ERCC3: variants seen among roughly 807,000 people sequenced by gnomAD.
ERCC3 encodes the protein ERCC excision repair 3, TFIIH core complex helicase subunit, also known as general transcription and DNA repair factor IIH helicase/translocase subunit XPB.
Under a neutral mutation model 94.2 loss-of-function variants are expected in ERCC3, and 66 were observed. That is an observed-to-expected ratio of 0.70 (90% CI 0.57 to 0.86). The LOEUF (loss-of-function observed/expected upper bound fraction) is 0.86, where lower values mean the gene tolerates loss of function less well. ERCC3 is among the 40% of genes least tolerant of loss of function. The pLI is 0.00. For synonymous variants in ERCC3, 349 were observed against 369.1 expected (o/e 0.95, Z 0.63); for missense variants, 829 against 987.1 (o/e 0.84, Z 2.15).
Position 127,279,223 on chromosome 2 carries a change from G to A in ERCC3, c.1680C>T (p.Val560=). The A allele has an allele frequency of 1.9e-6, 3 of 1,613,882 alleles. No homozygotes were observed. Among genetic ancestry groups the A allele is most frequent in the Non-Finnish European group, 1.7e-6 (2 of 1,179,732 alleles). Reference sequence around the variant, plus strand: ...TTAGGGCAAACACATTGTCAGCAAAGACAATAATCTTGTCATTCCTCCTTT... The same window carrying A: ...TTAGGGCAAACACATTGTCAGCAAAAACAATAATCTTGTCATTCCTCCTTT... ...FHERRNDKII[V]FADNVFALKE... is the part of the protein sequence containing the mutation. Residue 560 remains valine (V), a synonymous_variant, in exon 10 of 15, where the codon GTC becomes GTT. Coordinates refer to ENST00000285398, the MANE Select transcript of ERCC3 (RefSeq NM_000122.2). This position sits in a 1 kb window ranked among gnomAD's most constrained non-coding sequence, Gnocchi z 4.7.
Position 127,257,461 on chromosome 2 carries a change from G to A in ERCC3, c.*135C>T. 9.3e-7 allele frequency: 1 copy of A among 1,073,992 alleles called. No homozygotes were observed. Among genetic ancestry groups the A allele is most frequent in the Non-Finnish European group, 1.4e-6 (1 of 689,798 alleles). 66.5% of individuals were successfully genotyped at this position (1,073,992 alleles called of 1,614,324 possible). On this transcript the variant is annotated 3_prime_UTR_variant, in exon 15 of 15. Transcript: ENST00000285398. The surrounding 1 kb of genome is among the most constrained non-coding windows in gnomAD (Gnocchi z 5.4). Reference sequence around the variant, plus strand: ...CCTATGAAGGCACAGCCAAGCCCTTGATGCATCTTCCTCAGCACAATTTGG... The same window carrying A: ...CCTATGAAGGCACAGCCAAGCCCTTAATGCATCTTCCTCAGCACAATTTGG...
intron 7 of ERCC3, 28 bp downstream of exon 7, chr2:127,288,632 C>A (rs776511339): frequency 8.8e-6 from 14 of 1,597,052 alleles, no homozygotes; most frequent in Admixed American, 6.7e-5. Context: ...AACAGCCTGA[C>A]CACCTTCTTA....
Position 127,259,201 on chromosome 2 carries a change from G to C in ERCC3, c.2217+95C>G. 7.1e-7 allele frequency: 1 copy of C among 1,417,184 alleles called. No individual in the cohort carries two copies. The highest frequency in any genetic ancestry group is 2.3e-5 in the East Asian group (1 of 43,510). The allele number at this position is 1,417,184 out of a possible 1,614,324, so 87.8% of individuals were successfully genotyped here. A position where few individuals can be genotyped will look rare whatever the true frequency, so the allele number is the denominator to read the frequency against. On this transcript the variant is annotated intron_variant, in intron 14 of 14. Coordinates refer to ENST00000285398, the MANE Select transcript of ERCC3 (RefSeq NM_000122.2). This position sits in a 1 kb window ranked among gnomAD's most constrained non-coding sequence, Gnocchi z 4.9. ...CAACATTTCCAAAAAAATCCCATGG[G>C]CCCATCCAGGCAGGACTACATGTCT...
At position 127,274,002 on chromosome 2, in the gene ERCC3, C is replaced by A. The variant is rs1157880007; in HGVS notation, c.1731-1041G>T. On this transcript the variant is annotated intron_variant, in intron 10 of 14. Transcript: ENST00000285398. This position sits in a 1 kb window ranked among gnomAD's most constrained non-coding sequence, Gnocchi z 4.0. The stretch of plus-strand genomic sequence containing the variant: ...GGACCTACCAACACCAGGCATTGAG[C>A]TGAGTATTACATTAAAAAAAAAAAA... Among the ~76,000 whole-genome samples, 1 of 150,734 alleles carries A rather than the reference C, an allele frequency of 6.6e-6. No individual in the cohort carries two copies. Among genetic ancestry groups the A allele is most frequent in the African/African-American group, 2.4e-5 (1 of 40,944 alleles).
In ERCC3 at chr2:127,288,543, T is replaced by C. The variant is rs922420216; in HGVS notation, c.1027+117A>G. The C allele has an allele frequency of 7.6e-6, 7 of 917,814 alleles. No individual in the cohort carries two copies. The East Asian group carries it at 1.4e-4, about 19-fold the overall frequency. The allele number at this position is 917,814 out of a possible 1,614,324, so 56.9% of individuals were successfully genotyped here. On this transcript the variant is annotated intron_variant, in intron 7 of 14. Coordinates refer to ENST00000285398, the MANE Select transcript of ERCC3 (RefSeq NM_000122.2). ...TCAAGTCATGAATCAGGGAGTCACC[T>C]GATCTTGGCTTTTCAGCAAGGTGTG...
rs183405317 is a variant in ERCC3, at chr2:127,279,386, G to A, written c.1528-11C>T. On this transcript the variant is annotated splice_polypyrimidine_tract_variant and intron_variant, in intron 9 of 14. Coordinates refer to ENST00000285398, the MANE Select transcript of ERCC3 (RefSeq NM_000122.2). The surrounding 1 kb of genome is among the most constrained non-coding windows in gnomAD (Gnocchi z 4.7). ...CATAGGGCACCAGACCTGTAATACA[G>A]TAAGAACCAGGGGTCATTTTACAAG... 520 of 1,593,902 alleles carry A rather than the reference G, an allele frequency of 3.3e-4. No homozygotes were observed. Among genetic ancestry groups the A allele is most frequent in the Non-Finnish European group, 2.1e-4 (248 of 1,161,556 alleles).
In ERCC3 at chr2:127,258,454, G is replaced by A. The variant is rs537760722; in HGVS notation, c.2218-727C>T. Reference sequence around the variant, plus strand: ...CAGTGCTGACATTGCTATCCTGTGAGGAGAATGAACCAGGCACCTCCTTAA... The same window carrying A: ...CAGTGCTGACATTGCTATCCTGTGAAGAGAATGAACCAGGCACCTCCTTAA... On this transcript the variant is annotated intron_variant, in intron 14 of 14. Transcript: ENST00000285398. The surrounding 1 kb of genome is among the most constrained non-coding windows in gnomAD (Gnocchi z 4.1). Among the ~76,000 whole-genome samples, 22 of 152,238 alleles carry A rather than the reference G, an allele frequency of 1.4e-4. No homozygotes were observed. Among genetic ancestry groups the A allele is most frequent in the Admixed American group, 7.8e-4 (12 of 15,288 alleles).
intron 12 of ERCC3, among the ~76,000 whole-genome samples, chr2:127,265,477 G>A (rs531247923): frequency 6.6e-6 from 1 of 152,258 alleles, no homozygotes; most frequent in African/African-American, 2.4e-5. Context: ...GGAGTGCAGA[G>A]GTGCGATCTC....
intron 3 of ERCC3, chr2:127,292,118 C>T (rs372341050): frequency 1.3e-5 from 3 of 229,378 alleles, no homozygotes; most frequent in Admixed American, 5.1e-5. Flanking sequence ...AAGCATGCTC[C>T]GGTGTCTCTT....
At chr2:127,283,658 T>C (rs1684985445) in intron 8 of ERCC3, among the ~76,000 whole-genome samples, 1 of 152,220 alleles carries the variant, frequency 6.6e-6, no homozygotes, top group Non-Finnish European at 1.5e-5. Context: ...ACAGTGACCA[T>C]ACACTTTGCA....
At chr2:127,261,497 A>G in intron 12 of ERCC3, 151 bp from the exon 13 acceptor site, 1 of 719,594 alleles carries the variant, frequency 1.4e-6, no homozygotes, top group Non-Finnish European at 2.5e-6. Context: ...GATTGCATCA[A>G]AATTTGGAAG....
At chr2:127,268,236 G>T (rs774457568) in intron 12 of ERCC3, among the ~76,000 whole-genome samples, 5 of 152,112 alleles carry the variant, frequency 3.3e-5, no homozygotes, top group Non-Finnish European at 7.4e-5. Context: ...TTACAGGTGT[G>T]AGCCACCGCG....
rs1043115657 is a variant in ERCC3 at position 127,279,035 on chromosome 2, C to T, written c.1730+138G>A. On this transcript the variant is annotated intron_variant, in intron 10 of 14. Transcript: ENST00000285398. This position sits in a 1 kb window ranked among gnomAD's most constrained non-coding sequence, Gnocchi z 4.7. Reference sequence around the variant, plus strand: ...TCAGGTCTTCCCTGGTTTCTGAGACCAGGGCCACAGAACAAGATCTTTGGA... The same window carrying T: ...TCAGGTCTTCCCTGGTTTCTGAGACTAGGGCCACAGAACAAGATCTTTGGA... 7.2e-6 allele frequency: 5 copies of T among 697,010 alleles called. No homozygotes were observed. In the Admixed American group the frequency reaches 1.1e-4, roughly 15 times the overall value. 43.2% of individuals were successfully genotyped at this position (697,010 alleles called of 1,614,324 possible).
At position 127,280,504 on chromosome 2, in the gene ERCC3, T is replaced by G; in HGVS notation, c.1470A>C (p.Glu490Asp). Residue 490 changes from glutamate (E) to aspartate (D), a missense_variant, in exon 9 of 15, where the codon GAA (glutamate) becomes GAC (aspartate). Glu to Asp is a conservative substitution (Grantham distance 45). Coordinates refer to ENST00000285398, the MANE Select transcript of ERCC3 (RefSeq NM_000122.2). The surrounding 1 kb of genome is among the most constrained non-coding windows in gnomAD (Gnocchi z 6.3). Reference sequence around the variant, plus strand: ...TATTCTGCAGCTCCATCCAGTTGGCTTCGTAGAGCTTAGGCCCAATCAGAA... The same window carrying G: ...TATTCTGCAGCTCCATCCAGTTGGCGTCGTAGAGCTTAGGCCCAATCAGAA... ...LNFLIGPKLY[E>D]ANWMELQNNG... 1 of 1,614,002 alleles carries G rather than the reference T, an allele frequency of 6.2e-7. No homozygotes were observed. Among genetic ancestry groups the G allele is most frequent in the Non-Finnish European group, 8.5e-7 (1 of 1,179,988 alleles).
At chr2:127,266,523 G>A (rs532520116) in intron 12 of ERCC3, among the ~76,000 whole-genome samples, 238 of 151,418 alleles carry the variant, frequency 1.6e-3, no homozygotes, top group African/African-American at 5.5e-3. Context: ...ATTTTTAGTA[G>A]AGACGGGGTT....
In ERCC3 at chr2:127,280,076, G is replaced by A. The variant is rs975358360; in HGVS notation, c.1527+371C>T. On this transcript the variant is annotated intron_variant, in intron 9 of 14. Coordinates refer to ENST00000285398, the MANE Select transcript of ERCC3 (RefSeq NM_000122.2). The surrounding 1 kb of genome is among the most constrained non-coding windows in gnomAD (Gnocchi z 6.3). The stretch of plus-strand genomic sequence containing the variant: ...AGGGCTGGGAGCATATCAGTTAGGC[G>A]CTTGGGGCTATCAGAGCAAAGCCCT... 5.3e-5 allele frequency among the ~76,000 whole-genome samples: 8 copies of A among 152,112 alleles called. No homozygotes were observed. In the South Asian group the frequency reaches 6.2e-4, roughly 12 times the overall value.
Position 127,278,685 on chromosome 2 carries a change from C to T in ERCC3, c.1730+488G>A, listed in dbSNP as rs144516776. On this transcript the variant is annotated intron_variant, in intron 10 of 14. Transcript: ENST00000285398. The stretch of plus-strand genomic sequence containing the variant: ...AGCTTTACAAAAGCCAGGTTTTAAG[C>T]ACAAATATTTGGGTGGAGCCATGGG... 2.0e-4 allele frequency among the ~76,000 whole-genome samples: 31 copies of T among 152,342 alleles called. No individual in the cohort carries two copies. The East Asian group carries it at 5.6e-3, about 28-fold the overall frequency.
At chr2:127,288,458 C>T (rs1446125928) in intron 7 of ERCC3, among the ~76,000 whole-genome samples, 1 of 152,186 alleles carries the variant, frequency 6.6e-6, no homozygotes, top group African/African-American at 2.4e-5. Flanking sequence ...TTGTTCTAGC[C>T]ACCATAATAC....
Position 127,257,367 on chromosome 2 carries a change from GA to G in ERCC3, c.*228del. On this transcript the variant is annotated 3_prime_UTR_variant, in exon 15 of 15. Coordinates refer to ENST00000285398, the MANE Select transcript of ERCC3 (RefSeq NM_000122.2). This position sits in a 1 kb window ranked among gnomAD's most constrained non-coding sequence, Gnocchi z 5.4. ...TAAATATTAACATTTTTTATATACAGAAATGACCCCACTCCCCAAAAAGTTT... is the reference window on the plus strand; with the variant it reads ...TAAATATTAACATTTTTTATATACAGAATGACCCCACTCCCCAAAAAGTTT... 1.7e-6 allele frequency: 1 copy of G among 590,956 alleles called. No homozygotes were observed. Among genetic ancestry groups the G allele is most frequent in the Non-Finnish European group, 3.1e-6 (1 of 323,090 alleles). The allele number at this position is 590,956 out of a possible 1,614,324, so 36.6% of individuals were successfully genotyped here.
Sources: allele counts gnomAD v4.1 joint callset (sites outside exome capture counted in the v4.1 genomes callset), GRCh38; gene constraint gnomAD v4.1.1; non-coding constraint Gnocchi (gnomAD v3.1); transcripts MANE v1.5; gene names NCBI Gene and HGNC (gene_info 2026-07-23, HGNC 2026-07-21).